POU3F3: variants seen among roughly 807,000 people sequenced by gnomAD.
POU3F3 encodes the protein POU class 3 homeobox 3.
A neutral mutation model predicts 8.6 loss-of-function variants in POU3F3; 1 was observed. The observed-to-expected ratio is 0.12, with a 90% CI of 0.04 to 0.55. The LOEUF (loss-of-function observed/expected upper bound fraction) is 0.55, where lower values mean the gene tolerates loss of function less well. Ranked by LOEUF, POU3F3 falls within the 20% of genes least tolerant of loss-of-function variation. The probability of loss-of-function intolerance (pLI) is 0.91; values close to 1 mark genes in which losing one functional copy is unlikely to be tolerated. For missense variants in POU3F3, 577 were observed against 690.7 expected (o/e 0.84, Z 1.84); for synonymous variants, 418 against 327.4 (o/e 1.28, Z -2.99).
Position 104,855,473 on chromosome 2 carries a change from C to CGGT in POU3F3, c.-32_-30dup, listed in dbSNP as rs1172020461. On this transcript the variant is annotated 5_prime_UTR_variant, in exon 1 of 1. Transcript: ENST00000361360. The stretch of plus-strand genomic sequence containing the variant: ...GCGGCTGCTGCTGCGGCGGCGGCGG[C>CGGT]GGTGGTGGCGGCGGTGGGGTGGCGG... 2.8e-5 allele frequency: 23 copies of CGGT among 822,536 alleles called. No individual in the cohort carries two copies. Among genetic ancestry groups the CGGT allele is most frequent in the South Asian group, 1.1e-4 (2 of 17,576 alleles). The allele number at this position is 822,536 out of a possible 1,614,324, so 51.0% of individuals were successfully genotyped here. A position where few individuals can be genotyped will look rare whatever the true frequency, so the allele number is the denominator to read the frequency against.
At chr2:104,908,241 G>GAC in the POU3F3 span, among the ~76,000 whole-genome samples, 3 of 152,276 alleles carry the variant, frequency 2.0e-5, no homozygotes, top group East Asian at 5.8e-4. Context: ...AGTACTCCCA[G>GAC]ACATGGATGG....
chr2:104,859,591 A>G (rs1676632206), downstream of POU3F3, among the ~76,000 whole-genome samples: 1 of 152,166 alleles, frequency 6.6e-6, no homozygotes, highest in South Asian at 2.1e-4. Context: ...GGGGTTAAAA[A>G]ACCCGGAAAA....
At chr2:104,868,021 G>A in the POU3F3 span, 1 of 346,028 alleles carries the variant, frequency 2.9e-6, no homozygotes. Flanking sequence ...CCTCCAGCTG[G>A]TGGGTAGGAA....
chr2:104,879,261 C>T, the POU3F3 span, among the ~76,000 whole-genome samples: 1 of 151,852 alleles, frequency 6.6e-6, no homozygotes, highest in African/African-American at 2.4e-5. Flanking sequence ...GAGCCTATGT[C>T]TTAAGCCGCG....
the POU3F3 span, among the ~76,000 whole-genome samples, chr2:104,910,549 T>C: frequency 6.6e-6 from 1 of 152,088 alleles, no homozygotes; most frequent in Non-Finnish European, 1.5e-5. Context: ...AGGACTAATG[T>C]GAGGGTTAAT....
At chr2:104,910,730 G>C in the POU3F3 span, among the ~76,000 whole-genome samples, 1 of 152,110 alleles carries the variant, frequency 6.6e-6, no homozygotes. Flanking sequence ...TGCAAAATGA[G>C]ATTAAGTTGA....
At chr2:104,902,219 CA>C in the POU3F3 span, among the ~76,000 whole-genome samples, 1 of 152,152 alleles carries the variant, frequency 6.6e-6, no homozygotes, top group Non-Finnish European at 1.5e-5. Flanking sequence ...ATGGGACACT[CA>C]GAAGGGGGAT....
chr2:104,891,541 G>A, the POU3F3 span, among the ~76,000 whole-genome samples: 6 of 152,046 alleles, frequency 3.9e-5, no homozygotes, highest in East Asian at 3.9e-4. Flanking sequence ...CAAATCAATC[G>A]GAAGAGTAAT....
the POU3F3 span, among the ~76,000 whole-genome samples, chr2:104,883,139 A>T: frequency 6.6e-6 from 1 of 152,202 alleles, no homozygotes; most frequent in Non-Finnish European, 1.5e-5. Context: ...AGTTGCTGGG[A>T]TTAAAAAGTA....
downstream of POU3F3, among the ~76,000 whole-genome samples, chr2:104,859,136 GT>G (rs34951550): frequency 1.3e-4 from 20 of 152,020 alleles, no homozygotes; most frequent in Admixed American, 2.6e-4. Context: ...AGCTTTTTGG[GT>G]TTTTTCCCCC....
the POU3F3 span, among the ~76,000 whole-genome samples, chr2:104,917,921 T>C: frequency 6.6e-6 from 1 of 152,186 alleles, no homozygotes; most frequent in Admixed American, 6.5e-5. Flanking sequence ...CCTCTTCCTT[T>C]CAGTATATGA....
chr2:104,910,507 A>G, the POU3F3 span, among the ~76,000 whole-genome samples: 1 of 152,106 alleles, frequency 6.6e-6, no homozygotes, highest in Admixed American at 6.5e-5. Flanking sequence ...GTATTATTTC[A>G]CTTATCTGTA....
At chr2:104,927,402 G>T in the POU3F3 span, among the ~76,000 whole-genome samples, 3 of 151,824 alleles carry the variant, frequency 2.0e-5, no homozygotes, top group Non-Finnish European at 2.9e-5. Context: ...GTAGAAAGGG[G>T]GTAGAGAGAG....
the POU3F3 span, among the ~76,000 whole-genome samples, chr2:104,877,441 G>T: frequency 6.6e-6 from 1 of 152,020 alleles, no homozygotes; most frequent in Non-Finnish European, 1.5e-5. Flanking sequence ...GTTCATTTTG[G>T]TGTCCTGTTT....
rs1261162948 is a variant in POU3F3, at chr2:104,854,193, G to GGA, written c.-1306_-1305dup. 6.6e-6 allele frequency among the ~76,000 whole-genome samples: 1 copy of GGA among 151,920 alleles called. No homozygotes were observed. The highest frequency in any genetic ancestry group is 1.5e-5 in the Non-Finnish European group (1 of 67,934). ...GAGCGAGAGCGGGCGCCCGAGAGAG[G>GGA]GAGAGAGAGAGAGGGAGGGAGAGGA... On this transcript the variant is annotated 5_prime_UTR_variant, in exon 1 of 1. Coordinates refer to ENST00000361360, the MANE Select transcript of POU3F3 (RefSeq NM_006236.3). This position sits in a 1 kb window ranked among gnomAD's most constrained non-coding sequence, Gnocchi z 4.5.
At chr2:104,871,309 T>A in the POU3F3 span, among the ~76,000 whole-genome samples, 6 of 152,238 alleles carry the variant, frequency 3.9e-5, no homozygotes, top group Non-Finnish European at 7.3e-5. Context: ...AAGTTCAACA[T>A]TGACCATGAA....
chr2:104,863,432 A>C (rs1172152188), downstream of POU3F3, among the ~76,000 whole-genome samples: 1 of 152,044 alleles, frequency 6.6e-6, no homozygotes, highest in Non-Finnish European at 1.5e-5. Flanking sequence ...GGAAAGGTAG[A>C]AATGCCTGTG....
chr2:104,923,187 CATGAAGCTCT>C, the POU3F3 span, among the ~76,000 whole-genome samples: 1 of 152,198 alleles, frequency 6.6e-6, no homozygotes, highest in Non-Finnish European at 1.5e-5. Context: ...TAGAGAGTAA[CATGAAGCTCT>C]ATGATGAAAT....
chr2:104,888,823 AC>A, the POU3F3 span, among the ~76,000 whole-genome samples: 1 of 151,420 alleles, frequency 6.6e-6, no homozygotes, highest in East Asian at 1.9e-4. Flanking sequence ...CTTCACCACC[AC>A]CCTCCCTTTC....
Sources: gnomAD v4.1 joint callset for allele counts (sites outside exome capture counted in the v4.1 genomes callset) on GRCh38, gnomAD v4.1.1 for gene constraint, Gnocchi (gnomAD v3.1) non-coding constraint, MANE v1.5 for transcripts, NCBI Gene and HGNC (gene_info 2026-07-23, HGNC 2026-07-21) for gene names.